Variants in NRG1 observed in about 807,000 individuals in gnomAD.
NRG1 encodes the protein neuregulin 1.
Under a neutral mutation model 63.8 loss-of-function variants are expected in NRG1, and 18 were observed. That is an observed-to-expected ratio of 0.28 (90% CI 0.19 to 0.42). NRG1 has a LOEUF of 0.42. NRG1 is among the 10% of genes least tolerant of loss of function. NRG1 has a pLI of 1.00. For synonymous variants in NRG1, 302 were observed against 301.3 expected (o/e 1.00, Z -0.02); for missense variants, 762 against 814.7 (o/e 0.94, Z 0.79).
intron 1 of NRG1, among the ~76,000 whole-genome samples, chr8:32,047,019 C>T (rs1821114404): frequency 6.6e-6 from 1 of 152,030 alleles, no homozygotes; most frequent in African/African-American, 2.4e-5. Context: ...GGCTTCCATT[C>T]TCTGGCTACA....
At chr8:32,260,934 A>G (rs985487016) in intron 1 of NRG1, among the ~76,000 whole-genome samples, 1 of 152,200 alleles carries the variant, frequency 6.6e-6, no homozygotes, top group Non-Finnish European at 1.5e-5. Flanking sequence ...AAGTTATGGA[A>G]GAAAAACACT....
chr8:32,354,618 C>T (rs1476383369), intron 1 of NRG1, among the ~76,000 whole-genome samples: 6 of 149,820 alleles, frequency 4.0e-5, no homozygotes, highest in Admixed American at 6.6e-5. Flanking sequence ...GCAGGCTGGG[C>T]GTGGTGGCTC....
At chr8:32,115,313 C>T (rs7815067) in intron 1 of NRG1, among the ~76,000 whole-genome samples, 8,712 of 152,048 alleles carry the variant, frequency 0.057, 870 homozygotes, top group African/African-American at 0.2. Flanking sequence ...TAACTTTTGA[C>T]GCCCCACAGC....
intron 1 of NRG1, among the ~76,000 whole-genome samples, chr8:32,569,827 T>C (rs1413737667): frequency 6.6e-6 from 1 of 151,868 alleles, no homozygotes. Flanking sequence ...CCTTTTCCCA[T>C]CCGTTTTCAT....
intron 1 of NRG1, among the ~76,000 whole-genome samples, chr8:31,720,636 G>GTTTGTT (rs1301557325): frequency 8.6e-5 from 13 of 152,046 alleles, no homozygotes; most frequent in Non-Finnish European, 1.8e-4. Context: ...TTGTTTGTTT[G>GTTTGTT]TTTGTTTTTG....
chr8:31,642,997 TGTGAGA>T (rs1012844097), intron 1 of NRG1, among the ~76,000 whole-genome samples: 1 of 151,826 alleles, frequency 6.6e-6, no homozygotes, highest in African/African-American at 2.4e-5. Context: ...TGTGTGTGTG[TGTGAGA>T]GAGAGAATGA....
chr8:31,910,258 G>A (rs1181910259), intron 1 of NRG1, among the ~76,000 whole-genome samples: 2 of 152,192 alleles, frequency 1.3e-5, no homozygotes, highest in East Asian at 3.9e-4. Flanking sequence ...CTTCTAGTCA[G>A]TATGACCAGA....
At chr8:32,411,846 AAAAATCAAAAT>A (rs143075360) in intron 1 of NRG1, among the ~76,000 whole-genome samples, 29,149 of 151,846 alleles carry the variant, frequency 0.19, 3,624 homozygotes, top group East Asian at 0.73. Context: ...ATCTTATTCT[AAAAATCAAAAT>A]AAAATCAAAA....
chr8:31,928,289 ACCC>A lies in NRG1; in HGVS notation c.37+288862_37+288864del, dbSNP rs201476584. On this transcript the variant is annotated intron_variant, in intron 1 of 10. Coordinates refer to the NRG1 transcript ENST00000519301. ...TAAAATCACAATGACATACCACCTT[ACCC>A]CCCAGCCAGAATGGCGATTAGTGAA... 4.3e-4 allele frequency among the ~76,000 whole-genome samples: 62 copies of A among 143,182 alleles called. 1 individual carries two copies. In the East Asian group the frequency reaches 0.012, roughly 29 times the overall value. The allele number at this position is 143,182 out of a possible 152,430, so 93.9% of individuals were successfully genotyped here.
At chr8:32,034,434 G>A (rs1297790834) in intron 1 of NRG1, among the ~76,000 whole-genome samples, 2 of 152,030 alleles carry the variant, frequency 1.3e-5, no homozygotes, top group Non-Finnish European at 2.9e-5. Flanking sequence ...TATCTCTTCC[G>A]GGTTTGGTAT....
chr8:32,141,978 G>A (rs1274490004), intron 1 of NRG1, among the ~76,000 whole-genome samples: 4 of 152,060 alleles, frequency 2.6e-5, no homozygotes, highest in Non-Finnish European at 5.9e-5. Context: ...GGAAGCCTTT[G>A]GACTCTGTTG....
At chr8:31,806,302 A>G (rs1822279348) in intron 1 of NRG1, among the ~76,000 whole-genome samples, 1 of 152,196 alleles carries the variant, frequency 6.6e-6, no homozygotes, top group Non-Finnish European at 1.5e-5. Context: ...TGAATGTCAA[A>G]TAACTGGTTT....
intron 1 of NRG1, among the ~76,000 whole-genome samples, chr8:32,177,811 A>G (rs976649746): frequency 1.3e-5 from 2 of 152,096 alleles, no homozygotes; most frequent in African/African-American, 4.8e-5. Flanking sequence ...ATTTCCTTAT[A>G]CATCTCTTTC....
intron 1 of NRG1, among the ~76,000 whole-genome samples, chr8:31,832,159 A>G (rs117676947): frequency 0.017 from 2,548 of 152,192 alleles, 33 homozygotes; most frequent in Non-Finnish European, 0.027. Flanking sequence ...AACTGTACTT[A>G]GGGACTAAAA....
intron 1 of NRG1, among the ~76,000 whole-genome samples, chr8:32,228,199 G>GC (rs1442823301): frequency 6.6e-6 from 1 of 152,072 alleles, no homozygotes; most frequent in African/African-American, 2.4e-5. Context: ...TTCCCCCAAA[G>GC]CTGAGTAAAG....
chr8:32,299,058 A>G (rs1329557886), intron 1 of NRG1, among the ~76,000 whole-genome samples: 1 of 151,648 alleles, frequency 6.6e-6, no homozygotes, highest in African/African-American at 2.4e-5. Flanking sequence ...AGAAAGAAAT[A>G]AAAAGCAAAT....
At chr8:32,730,479 A>T (rs7812396) in intron 6 of NRG1, among the ~76,000 whole-genome samples, 29,939 of 152,050 alleles carry the variant, frequency 0.2, 3,264 homozygotes, top group East Asian at 0.36. Flanking sequence ...ATAAAAAATT[A>T]AAAAAAGAGT....
At chr8:31,758,773 T>C (rs1817236662) in intron 1 of NRG1, among the ~76,000 whole-genome samples, 1 of 152,150 alleles carries the variant, frequency 6.6e-6, no homozygotes, top group South Asian at 2.1e-4. Flanking sequence ...TAATGTCTCT[T>C]GAGTGAGTAC....
intron 1 of NRG1, among the ~76,000 whole-genome samples, chr8:32,138,614 G>A (rs1299323856): frequency 1.3e-5 from 2 of 151,952 alleles, no homozygotes; most frequent in Non-Finnish European, 2.9e-5. Flanking sequence ...AGACTGGAGT[G>A]CGCAGTGGTG....
Sources: allele counts gnomAD v4.1 joint callset (sites outside exome capture counted in the v4.1 genomes callset), GRCh38; gene constraint gnomAD v4.1.1; transcripts MANE v1.5; gene names NCBI Gene and HGNC (gene_info 2026-07-23, HGNC 2026-07-21).